Variants in DACT2 observed in about 807,000 individuals in gnomAD.
DACT2 encodes the protein dapper homolog 2.
A neutral mutation model predicts 22.2 loss-of-function variants in DACT2; 20 were observed. The ratio of observed to expected loss-of-function variants is 0.90; its 90% CI spans 0.63 to 1.31. The LOEUF is 1.31. Among genes scored for constraint, DACT2 ranks in the 50% most tolerant of loss-of-function variants. DACT2 has a pLI of 0.00. For missense variants in DACT2, 1,048 were observed against 1,061.4 expected (o/e 0.99, Z 0.18); for synonymous variants, 463 against 479.8 (o/e 0.96, Z 0.46).
chr6:168,311,219 G>A lies in DACT2; in HGVS notation c.312C>T (p.Ser104=). 1 of 1,550,608 alleles carries A rather than the reference G, an allele frequency of 6.4e-7. No homozygotes were observed. Among genetic ancestry groups the A allele is most frequent in the Non-Finnish European group, 8.7e-7 (1 of 1,146,098 alleles). Residue 104 remains serine (S), a synonymous_variant, in exon 2 of 4, where the codon AGC becomes AGT. Coordinates refer to ENST00000366795, the MANE Select transcript of DACT2 (RefSeq NM_214462.5). ...CTGTGCCCACATCCAGCTGCAGCTT[G>A]CTAATCTGCAGGTCCAGCTGGTCCA... ...THLDQLDLQI[S]KLQLDVGTAS...
At position 168,308,078 on chromosome 6, in the gene DACT2, G is replaced by C; in HGVS notation, c.1679C>G (p.Ser560Cys). The C allele has an allele frequency of 6.5e-7, 1 of 1,545,086 alleles. No individual in the cohort carries two copies. Among genetic ancestry groups the C allele is most frequent in the Non-Finnish European group, 8.7e-7 (1 of 1,143,304 alleles). Residue 560 changes from serine (S) to cysteine (C), a missense_variant, in exon 4 of 4, where the codon TCC becomes TGC. Ser to Cys is a moderately radical substitution (Grantham distance 112, BLOSUM62 -1). Coordinates refer to ENST00000366795, the MANE Select transcript of DACT2 (RefSeq NM_214462.5). ...GGGGTAGAGGGTGGACTCAGAACAG[G>C]AGCGCCCGGGTGCCTCCCAGGCCAG... ...PALAWEAPGRSCSESTLYPMP... is the reference protein window; with the variant it reads ...PALAWEAPGRCCSESTLYPMP...
At chr6:168,311,569 A>AACACACACACCCATCCACAC (rs1779408593) in intron 1 of DACT2, among the ~76,000 whole-genome samples, 7 of 62,836 alleles carry the variant, frequency 1.1e-4, no homozygotes, top group African/African-American at 3.9e-4. Flanking sequence ...CTCACACACA[A>AACACACACACCCATCCACAC]ACACACACAC....
chr6:168,297,318 C>T (rs1220691120), intron 3 of DACT2, among the ~76,000 whole-genome samples: 7 of 152,146 alleles, frequency 4.6e-5, no homozygotes, highest in Middle Eastern at 3.4e-3. Context: ...TCAACTGACC[C>T]GAGAGGGGAA....
chr6:168,296,239 A>C (rs1330837822), intron 3 of DACT2, among the ~76,000 whole-genome samples: 1 of 151,146 alleles, frequency 6.6e-6, no homozygotes, highest in African/African-American at 2.5e-5. Flanking sequence ...AATCAGGGAA[A>C]GAGCAGATCC....
chr6:168,311,597 T>TCACACACAAACACACACACCCACACAC (rs1554271725), intron 1 of DACT2, among the ~76,000 whole-genome samples: 4 of 100,458 alleles, frequency 4.0e-5, no homozygotes, highest in Non-Finnish European at 6.3e-5. Context: ...CACACACACA[T>TCACACACAAACACACACACCCACACAC]ACACACACAC....
downstream of DACT2, among the ~76,000 whole-genome samples, chr6:168,304,095 C>G (rs1460323204): frequency 1.3e-5 from 2 of 152,128 alleles, no homozygotes; most frequent in Admixed American, 1.3e-4. Flanking sequence ...TTTTTAATCA[C>G]TTGAGAGAGA....
rs1177617130 is a variant in DACT2, at chr6:168,294,577, G to GTGTATA, written c.730+55_730+56insTATACA. ...TGTGTGTGTATGTGTGTGTGTGTGT[G>GTGTATA]TATATATATATATATATATATATAT... is the stretch of plus-strand genomic sequence containing the variant. On this transcript the variant is annotated intron_variant, in intron 4 of 5. Coordinates refer to the DACT2 transcript ENST00000366796. 1.9e-3 allele frequency: 231 copies of GTGTATA among 124,458 alleles called. 4 individuals carry two copies. Among genetic ancestry groups the GTGTATA allele is most frequent in the African/African-American group, 0.011 (197 of 17,570 alleles). 7.7% of individuals were successfully genotyped at this position (124,458 alleles called of 1,614,324 possible). A position where few individuals can be genotyped will look rare whatever the true frequency, so the allele number is the denominator to read the frequency against.
At position 168,294,220 on chromosome 6, in the gene DACT2, C is replaced by A. The variant is rs554310654; in HGVS notation, c.731-23G>T. On this transcript the variant is annotated intron_variant, in intron 4 of 5. Transcript: ENST00000366796. Reference sequence around the variant, plus strand: ...CACCTAACACAGAGAGAAGGCAATGCCATCCTGAGAAACATGAGTGCCAGG... The same window carrying A: ...CACCTAACACAGAGAGAAGGCAATGACATCCTGAGAAACATGAGTGCCAGG... 5 of 702,918 alleles carry A rather than the reference C, an allele frequency of 7.1e-6. No homozygotes were observed. In the East Asian group the frequency reaches 8.0e-5, roughly 11 times the overall value. 43.5% of individuals were successfully genotyped at this position (702,918 alleles called of 1,614,324 possible).
At chr6:168,311,486 A>G (rs1298488671) in intron 1 of DACT2, among the ~76,000 whole-genome samples, 1 of 151,504 alleles carries the variant, frequency 6.6e-6, no homozygotes, top group Non-Finnish European at 1.5e-5. Flanking sequence ...AGCTCTACTG[A>G]CACCCATCGC....
chr6:168,315,767 T>C (rs1256137313), intron 1 of DACT2, among the ~76,000 whole-genome samples: 3 of 152,216 alleles, frequency 2.0e-5, no homozygotes, highest in Non-Finnish European at 4.4e-5. Context: ...CAAGGTCTGA[T>C]AAATGTTCTT....
chr6:168,314,461 C>A (rs4549598), intron 1 of DACT2, among the ~76,000 whole-genome samples: 32,424 of 152,196 alleles, frequency 0.21, 3,519 homozygotes, highest in South Asian at 0.3. Context: ...AGCCTGGGAA[C>A]CTGCATTTTA....
Position 168,308,776 on chromosome 6 carries a change from C to A in DACT2, c.981G>T (p.Pro327=). 1 of 1,551,316 alleles carries A rather than the reference C, an allele frequency of 6.4e-7. No homozygotes were observed. Among genetic ancestry groups the A allele is most frequent in the South Asian group, 1.2e-5 (1 of 84,068 alleles). The part of the protein sequence containing the change: ...IQTGPVLEAG[P]ARARAYIDRL... ...TGTCGATATAAGCTCTGGCCCTGGC[C>A]GGGCCAGCCTCGAGGACCGGCCCAG... The change falls in exon 4 of 4, where the codon CCG becomes CCT. Residue 327 remains proline, a synonymous_variant. Transcript: ENST00000366795.
chr6:168,300,947 C>T (rs1392166413), intron 3 of DACT2, among the ~76,000 whole-genome samples: 1 of 152,226 alleles, frequency 6.6e-6, no homozygotes, highest in Non-Finnish European at 1.5e-5. Context: ...GTTCGTGCCA[C>T]TGCACTCCAG....
chr6:168,304,473 T>C (rs1478857583), downstream of DACT2, among the ~76,000 whole-genome samples: 1 of 152,218 alleles, frequency 6.6e-6, no homozygotes, highest in Non-Finnish European at 1.5e-5. Context: ...GGCGTTCTAA[T>C]TGTTAACTGT....
chr6:168,307,573 G>A lies in DACT2; in HGVS notation c.2184C>T (p.Ala728=). 6.4e-7 allele frequency: 1 copy of A among 1,550,712 alleles called. No individual in the cohort carries two copies. The highest frequency in any genetic ancestry group is 1.2e-5 in the South Asian group (1 of 84,016). The change falls in exon 4 of 4, where the codon GCC becomes GCT. Residue 728 remains alanine, a synonymous_variant. Coordinates refer to ENST00000366795, the MANE Select transcript of DACT2 (RefSeq NM_214462.5). The surrounding 1 kb of genome is among the most constrained non-coding windows in gnomAD (Gnocchi z 5.3). ...AGCTGACCGGGGCCTCCTGGGTCCAGGCCAGCTCCGCATGCCCGGCCGCCA... is the reference window on the plus strand; with the variant it reads ...AGCTGACCGGGGCCTCCTGGGTCCAAGCCAGCTCCGCATGCCCGGCCGCCA... ...GYVAAGHAEL[A]WTQEAPVSSG...
rs1175268432 is a variant in DACT2 at position 168,311,682 on chromosome 6, T to TCACA, written c.247-402_247-399dup. The stretch of plus-strand genomic sequence containing the variant: ...CCCATACACACATATACACACACAC[T>TCACA]CACACACACACATACACACATGGGT... On this transcript the variant is annotated intron_variant, in intron 1 of 3. Coordinates refer to ENST00000366795, the MANE Select transcript of DACT2 (RefSeq NM_214462.5). Among the ~76,000 whole-genome samples the TCACA allele has an allele frequency of 4.7e-4, 69 of 145,284 alleles. 1 individual carries two copies. Among genetic ancestry groups the TCACA allele is most frequent in the African/African-American group, 1.7e-3 (65 of 37,918 alleles).
In DACT2 at chr6:168,307,432, T is replaced by TC. The variant is rs1779237682; in HGVS notation, c.2324dup (p.Ter775TrpfsTer43). 6.4e-7 allele frequency: 1 copy of TC among 1,551,490 alleles called. No individual in the cohort carries two copies. The highest frequency in any genetic ancestry group is 1.4e-5 in the African/African-American group (1 of 73,026). On this transcript the variant is annotated frameshift_variant and stop_lost, in exon 4 of 4. Coordinates refer to ENST00000366795, the MANE Select transcript of DACT2 (RefSeq NM_214462.5). LOFTEE classifies it high-confidence loss of function. The surrounding 1 kb of genome is among the most constrained non-coding windows in gnomAD (Gnocchi z 5.3). ...CTTCTCTTGACGCAGTCACTGCACC[T>TC]CACACCATGGTCATGACCTTCAGGG...
downstream of DACT2, among the ~76,000 whole-genome samples, chr6:168,306,624 GTA>G (rs1779213274): frequency 1.6e-5 from 2 of 123,288 alleles, no homozygotes; most frequent in South Asian, 2.6e-4. Flanking sequence ...TTTTTTTTTT[GTA>G]TTTTTAGCAG....
intron 1 of DACT2, among the ~76,000 whole-genome samples, chr6:168,316,507 G>T (rs1280749164): frequency 5.3e-5 from 5 of 94,584 alleles, no homozygotes; most frequent in Non-Finnish European, 1.0e-4. Context: ...CACGTCTGTG[G>T]CTGTCGTGTG....
Sources: allele counts gnomAD v4.1 joint callset (sites outside exome capture counted in the v4.1 genomes callset), GRCh38; gene constraint gnomAD v4.1.1; non-coding constraint Gnocchi (gnomAD v3.1); transcripts MANE v1.5; gene names NCBI Gene and HGNC (gene_info 2026-07-23, HGNC 2026-07-21).